KALRN: variants seen among roughly 807,000 people sequenced by gnomAD.
KALRN encodes the protein kalirin RhoGEF kinase, also known as kalirin.
Under a neutral mutation model 353.7 loss-of-function variants are expected in KALRN, and 70 were observed. The observed-to-expected ratio is 0.20, with a 90% CI of 0.16 to 0.24. The LOEUF (loss-of-function observed/expected upper bound fraction) is 0.24. Ranked by LOEUF, KALRN falls within the 10% of genes least tolerant of loss-of-function variation. The pLI is 1.00. For missense variants in KALRN, 2,791 were observed against 3,756.7 expected (o/e 0.74, Z 6.72); for synonymous variants, 1,391 against 1,434.8 (o/e 0.97, Z 0.69).
At chr3:124,411,105 T>G (rs763976147) in intron 13 of KALRN, among the ~76,000 whole-genome samples, 1 of 152,070 alleles carries the variant, frequency 6.6e-6, no homozygotes, top group Non-Finnish European at 1.5e-5. Flanking sequence ...AAAAAAAAAT[T>G]CTGTAAGATT....
intron 33 of KALRN, among the ~76,000 whole-genome samples, chr3:124,526,625 G>A (rs1486774960): frequency 6.6e-6 from 1 of 152,102 alleles, no homozygotes; most frequent in Non-Finnish European, 1.5e-5. Flanking sequence ...AGCAGGGGTA[G>A]GAGGAGTAAG....
intron 3 of KALRN, among the ~76,000 whole-genome samples, chr3:124,244,378 C>A (rs2080863594): frequency 6.6e-6 from 1 of 152,080 alleles, no homozygotes; most frequent in African/African-American, 2.4e-5. Context: ...GCTGGGATGA[C>A]AAGTGCCCAC....
chr3:124,662,652 G>C (rs1160580989), intron 45 of KALRN, among the ~76,000 whole-genome samples: 1 of 152,194 alleles, frequency 6.6e-6, no homozygotes, highest in African/African-American at 2.4e-5. Flanking sequence ...TATTTGAAGA[G>C]GGGAATCAAG....
At position 124,234,917 on chromosome 3, in the gene KALRN, C is replaced by A; in HGVS notation, c.237C>A (p.Leu79=). The change falls in exon 3 of 60, where the codon CTC becomes CTA. Residue 79 remains leucine (L), a synonymous_variant. Coordinates refer to ENST00000682506, the MANE Select transcript of KALRN (RefSeq NM_001388419.1). ...DRIRQEDLRK[L]VTYLASVPSE... ...TAAGACAGGAAGACCTGCGGAAACT[C>A]GTGACGTATTTGGCCAGCGTGCCAA... The A allele has an allele frequency of 6.2e-7, 1 of 1,606,074 alleles. No homozygotes were observed. The highest frequency in any genetic ancestry group is 1.7e-5 in the Admixed American group (1 of 59,294).
At chr3:124,671,433 TTC>T (rs1333330987) in intron 47 of KALRN, among the ~76,000 whole-genome samples, 2 of 152,200 alleles carry the variant, frequency 1.3e-5, no homozygotes, top group Non-Finnish European at 2.9e-5. Flanking sequence ...TTACAGAGCC[TTC>T]TCTCTCTTTG....
intron 1 of KALRN, among the ~76,000 whole-genome samples, chr3:124,116,393 G>A (rs1489804277): frequency 6.6e-6 from 1 of 152,166 alleles, no homozygotes; most frequent in Non-Finnish European, 1.5e-5. Flanking sequence ...TGTCCTAAGT[G>A]CTTATCTCAA....
chr3:124,359,697 A>G (rs2083805101), intron 10 of KALRN, among the ~76,000 whole-genome samples: 3 of 152,338 alleles, frequency 2.0e-5, no homozygotes, highest in Non-Finnish European at 4.4e-5. Flanking sequence ...ATATATGGAA[A>G]GTACCTAATC....
At chr3:124,703,144 G>A (rs985825398) in intron 57 of KALRN, among the ~76,000 whole-genome samples, 4 of 152,106 alleles carry the variant, frequency 2.6e-5, no homozygotes, top group South Asian at 2.1e-4. Context: ...TTTAACTGAC[G>A]TGGTTGTGAC....
chr3:124,046,812 C>T (rs1378262789), intron 1 of KALRN, among the ~76,000 whole-genome samples: 1 of 152,122 alleles, frequency 6.6e-6, no homozygotes, highest in Non-Finnish European at 1.5e-5. Context: ...GTTGTATACA[C>T]ACTTTGCTTT....
chr3:124,687,589 A>G (rs2061620881), intron 51 of KALRN, among the ~76,000 whole-genome samples: 1 of 151,166 alleles, frequency 6.6e-6, no homozygotes, highest in Admixed American at 6.7e-5. Context: ...AAAACAATCA[A>G]TGTACTTGAC....
chr3:124,603,640 A>G (rs1008290029), intron 34 of KALRN, among the ~76,000 whole-genome samples: 1 of 152,152 alleles, frequency 6.6e-6, no homozygotes, highest in Non-Finnish European at 1.5e-5. Flanking sequence ...TCAATTTTTG[A>G]AATGGAGCAT....
At chr3:124,379,953 C>A (rs145932205) in intron 10 of KALRN, among the ~76,000 whole-genome samples, 1 of 152,004 alleles carries the variant, frequency 6.6e-6, no homozygotes, top group Admixed American at 6.5e-5. Flanking sequence ...CATCTCATTA[C>A]GTATTGGTTT....
chr3:124,444,810 A>AAAC (rs1553973534), intron 19 of KALRN, among the ~76,000 whole-genome samples: 4 of 151,498 alleles, frequency 2.6e-5, no homozygotes, highest in African/African-American at 9.7e-5. Context: ...AAAAAAAAAA[A>AAAC]AAGAACAAGA....
At chr3:124,210,999 C>G (rs913603452) in intron 1 of KALRN, among the ~76,000 whole-genome samples, 1 of 152,208 alleles carries the variant, frequency 6.6e-6, no homozygotes, top group African/African-American at 2.4e-5. Context: ...CACATTTCCT[C>G]TAAGTTATTA....
At chr3:124,653,954 A>T (rs1156257849) in intron 38 of KALRN, among the ~76,000 whole-genome samples, 1 of 152,218 alleles carries the variant, frequency 6.6e-6, no homozygotes, top group African/African-American at 2.4e-5. Flanking sequence ...TCAAGGGAAG[A>T]GATGACAGGT....
intron 5 of KALRN, among the ~76,000 whole-genome samples, chr3:124,295,076 T>C (rs1442156509): frequency 6.6e-6 from 1 of 152,230 alleles, no homozygotes; most frequent in Non-Finnish European, 1.5e-5. Context: ...CCAGTTCCAC[T>C]GAATGTAACA....
At chr3:124,354,635 A>G (rs1193780068) in intron 10 of KALRN, among the ~76,000 whole-genome samples, 2 of 152,252 alleles carry the variant, frequency 1.3e-5, no homozygotes, top group East Asian at 1.9e-4. Flanking sequence ...CAGGTTGCAA[A>G]CAATATTTTT....
At chr3:124,285,163 G>C (rs1040989111) in intron 5 of KALRN, among the ~76,000 whole-genome samples, 1 of 152,162 alleles carries the variant, frequency 6.6e-6, no homozygotes, top group African/African-American at 2.4e-5. Flanking sequence ...AAATAAAAAG[G>C]GGAGTGAAAT....
intron 34 of KALRN, among the ~76,000 whole-genome samples, chr3:124,592,237 G>T: frequency 6.6e-6 from 1 of 150,966 alleles, no homozygotes; most frequent in African/African-American, 2.4e-5. Flanking sequence ...GGGAAGCAGA[G>T]GTTGCAGTGA....
Sources: allele counts gnomAD v4.1 joint callset (sites outside exome capture counted in the v4.1 genomes callset), GRCh38; gene constraint gnomAD v4.1.1; transcripts MANE v1.5; gene names NCBI Gene and HGNC (gene_info 2026-07-23, HGNC 2026-07-21).